The following TRIO variants were observed in gnomAD, a reference collection of about 807,000 sequenced individuals.
TRIO encodes the protein triple functional domain protein.
A neutral mutation model predicts 351.9 loss-of-function variants in TRIO; 58 were observed. The observed-to-expected ratio is 0.16, with a 90% CI of 0.13 to 0.21. The LOEUF is 0.21. Ranked by LOEUF, TRIO falls within the 10% of genes least tolerant of loss-of-function variation. TRIO has a pLI of 1.00. For missense variants in TRIO, 3,201 were observed against 4,027.8 expected, an observed-to-expected ratio of 0.79 and a Z score of 5.56; for synonymous variants, 1,758 against 1,595.7, an observed-to-expected ratio of 1.10 and a Z score of -2.42.
intron 33 of TRIO, among the ~76,000 whole-genome samples, chr5:14,410,042 T>G (rs937579668): frequency 6.6e-6 from 1 of 152,154 alleles, no homozygotes; most frequent in African/African-American, 2.4e-5. Flanking sequence ...CGAATTTTCT[T>G]AATGCCACTT....
At chr5:14,325,734 C>G (rs1740323655) in intron 9 of TRIO, among the ~76,000 whole-genome samples, 1 of 152,152 alleles carries the variant, frequency 6.6e-6, no homozygotes, top group South Asian at 2.1e-4. Context: ...CGTAAATACT[C>G]TACAAGACCA....
intron 1 of TRIO, among the ~76,000 whole-genome samples, chr5:14,220,543 A>G (rs1166455004): frequency 6.6e-6 from 1 of 152,250 alleles, no homozygotes; most frequent in African/African-American, 2.4e-5. Flanking sequence ...GCCAAAAGCT[A>G]GGCCTCTTGT....
chr5:14,441,800 C>T (rs1212656980), intron 34 of TRIO, among the ~76,000 whole-genome samples: 3 of 152,160 alleles, frequency 2.0e-5, no homozygotes, highest in Non-Finnish European at 4.4e-5. Context: ...GACTCTGGCT[C>T]TCCATGAGAA....
At chr5:14,501,438 G>A (rs1015181510) in intron 53 of TRIO, among the ~76,000 whole-genome samples, 4 of 152,190 alleles carry the variant, frequency 2.6e-5, no homozygotes, top group Admixed American at 1.3e-4. Flanking sequence ...TTTCTGGGAG[G>A]CTGCAGAGGT....
intron 1 of TRIO, among the ~76,000 whole-genome samples, chr5:14,213,149 A>G (rs1260586865): frequency 6.6e-6 from 1 of 152,178 alleles, no homozygotes; most frequent in Admixed American, 6.5e-5. Context: ...TCTGCTTTGC[A>G]CTTAGAGCGC....
At chr5:14,194,770 A>G (rs1336317372) in intron 1 of TRIO, among the ~76,000 whole-genome samples, 1 of 152,246 alleles carries the variant, frequency 6.6e-6, no homozygotes, top group Non-Finnish European at 1.5e-5. Flanking sequence ...ATACACACAT[A>G]TATGCATACG....
intron 33 of TRIO, among the ~76,000 whole-genome samples, chr5:14,419,126 C>A (rs1034770602): frequency 2.6e-5 from 4 of 152,072 alleles, no homozygotes; most frequent in African/African-American, 9.7e-5. Context: ...CTCTGGGAAA[C>A]GAGCCGATGT....
chr5:14,426,235 CAT>C (rs1750629987), intron 34 of TRIO, among the ~76,000 whole-genome samples: 1 of 146,010 alleles, frequency 6.8e-6, no homozygotes, highest in East Asian at 2.1e-4. Context: ...TGTACACACA[CAT>C]GTGCACACAC....
intron 33 of TRIO, among the ~76,000 whole-genome samples, chr5:14,413,040 C>T (rs916593031): frequency 2.6e-5 from 4 of 152,312 alleles, no homozygotes; most frequent in South Asian, 2.1e-4. Context: ...TCTGTGTCTC[C>T]GTTATACAGA....
chr5:14,389,262 TC>T, intron 24 of TRIO, 26 bp from the exon 25 acceptor site: 1 of 1,548,984 alleles, frequency 6.5e-7, no homozygotes, highest in Non-Finnish European at 8.8e-7. Flanking sequence ...ATTATTTTTG[TC>T]TAATCCCTGT....
At position 14,488,192 on chromosome 5, in the gene TRIO, G is replaced by T. The variant is rs778701654; in HGVS notation, c.7564G>T (p.Asp2522Tyr). The change falls in exon 48 of 57, where the codon GAT becomes TAT. Residue 2522 changes from aspartate (D) to tyrosine (Y), a missense_variant. Coordinates refer to ENST00000344204, the MANE Select transcript of TRIO (RefSeq NM_007118.4). ...QTPRHAAPGK[D>Y]TDRMSTCSSA... ...ACCCCGCCACGCGGCCCCTGGCAAG[G>T]ATACTGACCGCATGAGCACGTGCTC... The T allele has an allele frequency of 2.9e-5, 46 of 1,598,340 alleles. No homozygotes were observed. Among genetic ancestry groups the T allele is most frequent in the Non-Finnish European group, 3.9e-5 (46 of 1,178,290 alleles).
chr5:14,496,856 C>T, intron 49 of TRIO, 23 bp from the exon 50 acceptor site: 2 of 1,613,064 alleles, frequency 1.2e-6, no homozygotes, highest in Non-Finnish European at 1.7e-6. Context: ...GCATAATACC[C>T]ACAGTGTGTT....
chr5:14,158,046 C>T (rs915115103), intron 1 of TRIO, among the ~76,000 whole-genome samples: 1 of 151,756 alleles, frequency 6.6e-6, no homozygotes, highest in African/African-American at 2.4e-5. Flanking sequence ...TTTCTAGCAA[C>T]CCTTTCTATG....
intron 11 of TRIO, among the ~76,000 whole-genome samples, chr5:14,347,006 G>A (rs78672689): frequency 0.019 from 2,891 of 151,672 alleles, 105 homozygotes; most frequent in African/African-American, 0.067. Context: ...AAAGGTAGTG[G>A]TGGATGATGC....
intron 6 of TRIO, 90 bp downstream of exon 6, chr5:14,293,224 G>C (rs1485048829): frequency 1.3e-6 from 2 of 1,565,920 alleles, no homozygotes; most frequent in African/African-American, 1.3e-5. Context: ...GGGCTTTCAA[G>C]GGGCCTTCGG....
chr5:14,158,572 C>T (rs1195827418), intron 1 of TRIO, among the ~76,000 whole-genome samples: 1 of 152,178 alleles, frequency 6.6e-6, no homozygotes, highest in African/African-American at 2.4e-5. Flanking sequence ...TGATTTCTGC[C>T]TGTAATCCCA....
chr5:14,502,664 T>G lies in TRIO; in HGVS notation c.8411+7T>G. ...AAGTGGCTGAGCTTGGCAGGTATGA[T>G]GCACAACCCAGAACGCCTTCCGAAA... On this transcript the variant is annotated splice_region_variant and intron_variant, in intron 54 of 56. Coordinates refer to ENST00000344204, the MANE Select transcript of TRIO (RefSeq NM_007118.4). 1 of 1,614,130 alleles carries G rather than the reference T, an allele frequency of 6.2e-7. No individual in the cohort carries two copies. Among genetic ancestry groups the G allele is most frequent in the Non-Finnish European group, 8.5e-7 (1 of 1,180,004 alleles).
At chr5:14,265,071 G>A (rs1795588371) in intron 1 of TRIO, among the ~76,000 whole-genome samples, 1 of 148,252 alleles carries the variant, frequency 6.7e-6, no homozygotes, top group Non-Finnish European at 1.5e-5. Flanking sequence ...GTTTTGTTAA[G>A]TATGTAGGAT....
intron 4 of TRIO, among the ~76,000 whole-genome samples, chr5:14,287,520 C>T (rs1296928933): frequency 6.6e-6 from 1 of 152,166 alleles, no homozygotes; most frequent in Non-Finnish European, 1.5e-5. Context: ...TGTATTAGGC[C>T]TCTGATTTCT....
Sources: gnomAD v4.1 joint callset for allele counts (sites outside exome capture counted in the v4.1 genomes callset) on GRCh38, gnomAD v4.1.1 for gene constraint, MANE v1.5 for transcripts, NCBI Gene and HGNC (gene_info 2026-07-23, HGNC 2026-07-21) for gene names.